The following RBKS variants were observed in gnomAD, a reference collection of about 807,000 sequenced individuals.
The protein encoded by RBKS is ribokinase.
RBKS carries 33 observed loss-of-function variants against 33.9 expected under a neutral mutation model. The ratio of observed to expected loss-of-function variants is 0.97; its 90% confidence interval spans 0.74 to 1.30. The LOEUF (loss-of-function observed/expected upper bound fraction) is 1.30. Among genes scored for constraint, RBKS ranks in the 50% most tolerant of loss-of-function variants. The pLI, the probability that RBKS is intolerant of heterozygous loss-of-function variation, is 0.00. For missense variants in RBKS, 361 were observed against 392.6 expected, an observed-to-expected ratio of 0.92 and a Z score of 0.68; for synonymous variants, 125 against 143.0, an observed-to-expected ratio of 0.87 and a Z score of 0.90.
At chr2:27,818,656 G>C (rs576471301) in intron 7 of RBKS, among the ~76,000 whole-genome samples, 19 of 152,308 alleles carry the variant, frequency 1.2e-4, no homozygotes, top group Admixed American at 3.3e-4. Context: ...AATGCATAGA[G>C]TCCAGCATGA....
chr2:27,789,351 A>G (rs1042523036), intron 7 of RBKS, among the ~76,000 whole-genome samples: 4 of 147,680 alleles, frequency 2.7e-5, no homozygotes, highest in African/African-American at 7.6e-5. Flanking sequence ...TCCAATGAAC[A>G]TTTCTTTTGA....
At chr2:27,838,426 G>T (rs1349398813) in intron 5 of RBKS, among the ~76,000 whole-genome samples, 1 of 152,048 alleles carries the variant, frequency 6.6e-6, no homozygotes, top group East Asian at 1.9e-4. Context: ...TAAAATTTAG[G>T]TACCAATTGC....
At chr2:27,863,002 T>TA (rs35668375) in intron 1 of RBKS, among the ~76,000 whole-genome samples, 154 of 146,056 alleles carry the variant, frequency 1.1e-3, no homozygotes, top group African/African-American at 1.7e-3. Flanking sequence ...TTGTTCTAAT[T>TA]AAAAAAAAAA....
chr2:27,783,698 G>C (rs998018216), intron 7 of RBKS, among the ~76,000 whole-genome samples: 5 of 152,114 alleles, frequency 3.3e-5, no homozygotes, highest in Middle Eastern at 3.4e-3. Context: ...ACGAGGTCAG[G>C]AGATCGAGAC....
intron 7 of RBKS, among the ~76,000 whole-genome samples, chr2:27,816,326 C>T (rs1678091887): frequency 6.6e-6 from 1 of 152,182 alleles, no homozygotes; most frequent in Non-Finnish European, 1.5e-5. Context: ...TGACAGATGT[C>T]TTGTGCCTTG....
intron 7 of RBKS, among the ~76,000 whole-genome samples, chr2:27,819,869 A>C (rs919208563): frequency 6.6e-6 from 1 of 152,204 alleles, no homozygotes; most frequent in African/African-American, 2.4e-5. Context: ...GGTTTCTTTA[A>C]AAAGATTAAG....
At chr2:27,860,088 C>T (rs1663943472) in intron 1 of RBKS, among the ~76,000 whole-genome samples, 1 of 152,146 alleles carries the variant, frequency 6.6e-6, no homozygotes, top group South Asian at 2.1e-4. Context: ...CATCCCACTC[C>T]TCCCCTTTAA....
chr2:27,788,018 A>G (rs1485646768), intron 7 of RBKS, among the ~76,000 whole-genome samples: 1 of 152,232 alleles, frequency 6.6e-6, no homozygotes, highest in African/African-American at 2.4e-5. Context: ...CTGAAAAAGC[A>G]TATGACAAAA....
intron 6 of RBKS, among the ~76,000 whole-genome samples, chr2:27,832,331 A>G (rs534419510): frequency 5.9e-5 from 9 of 152,358 alleles, no homozygotes; most frequent in African/African-American, 2.2e-4. Context: ...ATTCAAATTT[A>G]ACTGGGCATC....
At chr2:27,804,872 A>G (rs924253743) in intron 7 of RBKS, among the ~76,000 whole-genome samples, 2 of 152,144 alleles carry the variant, frequency 1.3e-5, no homozygotes, top group African/African-American at 2.4e-5. Flanking sequence ...AAAAAAATGC[A>G]AAACTTTAGC....
At chr2:27,784,328 C>G (rs1677357787) in intron 7 of RBKS, among the ~76,000 whole-genome samples, 1 of 152,104 alleles carries the variant, frequency 6.6e-6, no homozygotes, top group Non-Finnish European at 1.5e-5. Context: ...GTTCCTTAGA[C>G]CTAAGGGCTT....
intron 7 of RBKS, among the ~76,000 whole-genome samples, chr2:27,801,026 A>G (rs1677768389): frequency 6.6e-6 from 1 of 152,230 alleles, no homozygotes; most frequent in Non-Finnish European, 1.5e-5. Context: ...TGGCAGGGAC[A>G]GCCTGCACTT....
chr2:27,860,010 T>C (rs1395401552), intron 1 of RBKS, among the ~76,000 whole-genome samples: 1 of 152,148 alleles, frequency 6.6e-6, no homozygotes, highest in Non-Finnish European at 1.5e-5. Context: ...GCTGAACTAC[T>C]CCATTCCCTT....
rs1404298359 is a variant in RBKS, at chr2:27,848,139, G to C, written c.223-42C>G. 3 of 1,144,648 alleles carry C rather than the reference G, an allele frequency of 2.6e-6. No individual in the cohort carries two copies. The Admixed American group carries it at 6.5e-5, about 25-fold the overall frequency. The allele number at this position is 1,144,648 out of a possible 1,614,324, so 70.9% of individuals were successfully genotyped here. A position where few individuals can be genotyped will look rare whatever the true frequency, so the allele number is the denominator to read the frequency against. ...ATGAATATTAGATCTTTTAGAGTTAGTAAAATGCTACAATGTAGTTTTTAG... is the reference window on the plus strand; with the variant it reads ...ATGAATATTAGATCTTTTAGAGTTACTAAAATGCTACAATGTAGTTTTTAG... On this transcript the variant is annotated intron_variant, in intron 2 of 7. Coordinates refer to ENST00000302188, the MANE Select transcript of RBKS (RefSeq NM_022128.3).
chr2:27,787,921 A>G (rs1230600643), intron 7 of RBKS, among the ~76,000 whole-genome samples: 1 of 152,202 alleles, frequency 6.6e-6, no homozygotes, highest in Non-Finnish European at 1.5e-5. Context: ...AGTAGAATTT[A>G]TCCCAGGAAT....
intron 1 of RBKS, among the ~76,000 whole-genome samples, chr2:27,882,348 A>G (rs890837879): frequency 6.6e-6 from 1 of 152,260 alleles, no homozygotes; most frequent in African/African-American, 2.4e-5. Context: ...ACTGATCATT[A>G]GCGAAATACA....
intron 5 of RBKS, among the ~76,000 whole-genome samples, chr2:27,836,428 T>C (rs1678520248): frequency 6.6e-6 from 1 of 152,152 alleles, no homozygotes; most frequent in African/African-American, 2.4e-5. Context: ...GATGCTGGAA[T>C]ACCTGGCTAG....
Position 27,890,217 on chromosome 2 carries a change from T to C in RBKS, c.89+40A>G, listed in dbSNP as rs1573090312. ...GGCGCATAGCGCACGGCACGCCTCC[T>C]CCCCCGAGCCGCAGACTGAGTAACT... On this transcript the variant is annotated intron_variant, in intron 1 of 7. Coordinates refer to ENST00000302188, the MANE Select transcript of RBKS (RefSeq NM_022128.3). The surrounding 1 kb of genome is among the most constrained non-coding windows in gnomAD (Gnocchi z 4.8). 1 of 1,592,106 alleles carries C rather than the reference T, an allele frequency of 6.3e-7. No homozygotes were observed. Among genetic ancestry groups the C allele is most frequent in the Admixed American group, 1.7e-5 (1 of 59,642 alleles).
intron 5 of RBKS, among the ~76,000 whole-genome samples, chr2:27,840,549 G>C (rs1663473235): frequency 6.6e-6 from 1 of 152,018 alleles, no homozygotes; most frequent in Non-Finnish European, 1.5e-5. Flanking sequence ...GTGTGTGTAA[G>C]TTCTATTGGG....
Sources: gnomAD v4.1 joint callset for allele counts (sites outside exome capture counted in the v4.1 genomes callset) on GRCh38, gnomAD v4.1.1 for gene constraint, Gnocchi (gnomAD v3.1) non-coding constraint, MANE v1.5 for transcripts, NCBI Gene and HGNC (gene_info 2026-07-23, HGNC 2026-07-21) for gene names.